KDM5C: variants seen among roughly 807,000 people sequenced by gnomAD.
KDM5C encodes lysine demethylase 5C, also known as lysine-specific demethylase 5C.
KDM5C carries 16 observed loss-of-function variants against 110.6 expected under a neutral mutation model. That is an observed-to-expected ratio of 0.14 (90% confidence interval 0.10 to 0.22). The LOEUF (loss-of-function observed/expected upper bound fraction) is 0.22. Ranked by LOEUF, KDM5C falls within the 10% of genes least tolerant of loss-of-function variation. The probability of loss-of-function intolerance (pLI) is 1.00; values close to 1 mark genes in which losing one functional copy is unlikely to be tolerated. For synonymous variants in KDM5C, 511 were observed against 520.4 expected, an observed-to-expected ratio of 0.98 and a Z score of 0.24; for missense variants, 681 against 1,300.9, an observed-to-expected ratio of 0.52 and a Z score of 7.33.
intron 1 of KDM5C, chrX:53,221,858 A>AGCAGAGTGTCTCC: frequency 1.8e-6 from 1 of 547,015 alleles, no homozygotes; most frequent in Non-Finnish European, 2.7e-6. Flanking sequence ...AAAGTGGGAG[A>AGCAGAGTGTCTCC]CACTCTGCTC....
chrX:53,194,797 G>GC (rs1197342997), intron 22 of KDM5C, 59 bp from the exon 23 acceptor site: 26 of 1,196,826 alleles, frequency 2.2e-5, no homozygotes, highest in Admixed American at 4.5e-5. Context: ...CCTTCTCTGG[G>GC]CCCCCCCTTA....
chrX:53,188,598 C>T (rs1274853340), downstream of KDM5C, among the ~76,000 whole-genome samples: 1 of 110,844 alleles, frequency 9.0e-6, no homozygotes, highest in African/African-American at 3.3e-5. Context: ...TGGTCTCGAA[C>T]TCCTGACCTC....
At chrX:53,199,429 G>C (rs1207507838) in intron 14 of KDM5C, among the ~76,000 whole-genome samples, 1 of 111,640 alleles carries the variant, frequency 9.0e-6, no homozygotes, top group Non-Finnish European at 1.9e-5. Flanking sequence ...TCAGCAGAAA[G>C]GGTCTTGTGG....
intron 25 of KDM5C, among the ~76,000 whole-genome samples, chrX:53,183,523 C>T (rs1934127274): frequency 9.3e-6 from 1 of 107,826 alleles, no homozygotes; most frequent in African/African-American, 3.4e-5. Context: ...TTCACGGCCC[C>T]TTGTAATTCC....
At chrX:53,217,364 C>A in intron 4 of KDM5C, 87 bp from the exon 5 acceptor site, 1 of 1,102,243 alleles carries the variant, frequency 9.1e-7, no homozygotes. Flanking sequence ...CAATGGCATC[C>A]AAAGCTGTGG....
In KDM5C at chrX:53,194,430, G is replaced by A. The variant is rs782187962; in HGVS notation, c.3747C>T (p.Arg1249=). ...TGGTCTCCAGGCGCGGGCGCCTTGA[G>A]CGCATACACAGTGGACACAGGAATT... ...DTKFLCPLCM[R]SRRPRLETIL... is the part of the protein sequence containing the mutation. Residue 1249 remains arginine (R), a synonymous_variant, in exon 23 of 26, where the codon CGC becomes CGT. Coordinates refer to ENST00000375401, the MANE Select transcript of KDM5C (RefSeq NM_004187.5). 1 of 1,209,930 alleles carries A rather than the reference G, an allele frequency of 8.3e-7. No individual in the cohort carries two copies. Among genetic ancestry groups the A allele is most frequent in the South Asian group, 1.8e-5 (1 of 56,636 alleles).
chrX:53,217,336 C>T, intron 4 of KDM5C, 59 bp from the exon 5 acceptor site: 1 of 1,173,316 alleles, frequency 8.5e-7, no homozygotes, highest in Non-Finnish European at 1.2e-6. Context: ...AAAGCAATAA[C>T]TTCCCTCTAC....
intron 1 of KDM5C, among the ~76,000 whole-genome samples, chrX:53,223,856 T>C (rs2073959567): frequency 9.0e-6 from 1 of 111,657 alleles, no homozygotes; most frequent in South Asian, 3.7e-4. Flanking sequence ...TGAGAAGGAC[T>C]CACACCCCAC....
Position 53,193,771 on chromosome X carries a change from A to C in KDM5C, c.4117+2T>G. 1 of 1,205,335 alleles carries C rather than the reference A, an allele frequency of 8.3e-7. No homozygotes were observed. Among genetic ancestry groups the C allele is most frequent in the Non-Finnish European group, 1.1e-6 (1 of 890,158 alleles). Reference sequence around the variant, plus strand: ...GCCTACCCACACCACACCTAGACCTACCTCTCTTACCTGAGCCCTCCTCCG... The same window carrying C: ...GCCTACCCACACCACACCTAGACCTCCCTCTCTTACCTGAGCCCTCCTCCG... On this transcript the variant is annotated splice_donor_variant, in intron 24 of 25. Coordinates refer to ENST00000375401, the MANE Select transcript of KDM5C (RefSeq NM_004187.5). LOFTEE classifies it high-confidence loss of function.
In KDM5C at chrX:53,215,836, T is replaced by C; in HGVS notation, c.922A>G (p.Met308Val). Residue 308 changes from methionine (M) to valine (V), a missense_variant, in exon 7 of 26, where the codon ATG becomes GTG. By Grantham distance (21) the Met-to-Val change is conservative. Coordinates refer to ENST00000375401, the MANE Select transcript of KDM5C (RefSeq NM_004187.5). The part of the protein sequence containing the change: ...LSHSPEPCTK[M>V]TMRLRRNHSN... The stretch of plus-strand genomic sequence containing the variant: ...TGGTTCCTCCGTAGCCTCATGGTCA[T>C]CTTGGTGCAGGGTTCTGGGCTGTGA... 2 of 1,211,962 alleles carry C rather than the reference T, an allele frequency of 1.7e-6. No individual in the cohort carries two copies. Among genetic ancestry groups the C allele is most frequent in the Admixed American group, 2.2e-5 (1 of 46,095 alleles).
intron 24 of KDM5C, 65 bp from the exon 25 acceptor site, chrX:53,193,701 AG>A: frequency 8.5e-7 from 1 of 1,179,923 alleles, no homozygotes; most frequent in Non-Finnish European, 1.2e-6. Flanking sequence ...CCACTACAAC[AG>A]AGCTGAGGAC....
Position 53,194,419 on chromosome X carries a change from G to A in KDM5C, c.3758C>T (p.Pro1253Leu), listed in dbSNP as rs2146821316. ...LCPLCMRSRR[P>L]RLETILALLV... is the part of the protein sequence containing the mutation. ...CAGTGCCAGGATGGTCTCCAGGCGC[G>A]GGCGCCTTGAGCGCATACACAGTGG... Residue 1253 changes from proline (P) to leucine (L), a missense_variant, in exon 23 of 26, where the codon CCG (proline) becomes CTG (leucine). This residue lies in a region of KDM5C where 12 missense variants were observed against 54.5 expected (regional missense o/e 0.22). Coordinates refer to ENST00000375401, the MANE Select transcript of KDM5C (RefSeq NM_004187.5). 1 of 1,210,596 alleles carries A rather than the reference G, an allele frequency of 8.3e-7. No homozygotes were observed. The highest frequency in any genetic ancestry group is 1.1e-6 in the Non-Finnish European group (1 of 894,613).
intron 25 of KDM5C, among the ~76,000 whole-genome samples, chrX:53,178,144 A>G (rs1218040814): frequency 8.9e-6 from 1 of 112,447 alleles, no homozygotes; most frequent in African/African-American, 3.2e-5. Flanking sequence ...GGCCTAAGCC[A>G]CCATGCCTGG....
chrX:53,213,158 T>C (rs887646220), intron 8 of KDM5C, among the ~76,000 whole-genome samples: 18 of 112,123 alleles, frequency 1.6e-4, no homozygotes, highest in Non-Finnish European at 2.1e-4. Flanking sequence ...GAGAACAATA[T>C]GTACCCCAAA....
chrX:53,217,323 G>A lies in KDM5C; in HGVS notation c.523-46C>T, dbSNP rs144904948. 3.3e-4 allele frequency: 400 copies of A among 1,198,018 alleles called. 1 individual carries two copies. In the East Asian group the frequency reaches 1.0e-2, roughly 30 times the overall value. ...AGGGTCAGGACATGGACTCCAGCCC[G>A]CAAAAGCAATAACTTCCCTCTACCC... is the stretch of plus-strand genomic sequence containing the variant. On this transcript the variant is annotated intron_variant, in intron 4 of 25. Transcript: ENST00000375401.
At position 53,183,969 on chromosome X, in the gene KDM5C, T is replaced by C. The variant is rs146492321; in HGVS notation, c.4309-7347A>G. 4.3e-3 allele frequency among the ~76,000 whole-genome samples: 485 copies of C among 112,249 alleles called. 3 individuals carry two copies. The highest frequency in any genetic ancestry group is 0.015 in the African/African-American group (457 of 30,916). On this transcript the variant is annotated intron_variant, in intron 25 of 25. Coordinates refer to the KDM5C transcript ENST00000685641. ...GCTAGTATCAACATCTTATCAGTATTAAGTCTTCCAATCTATGAACATGAG... is the reference window on the plus strand; with the variant it reads ...GCTAGTATCAACATCTTATCAGTATCAAGTCTTCCAATCTATGAACATGAG...
In KDM5C at chrX:53,214,726, G is replaced by A; in HGVS notation, c.1085C>T (p.Pro362Leu). The A allele has an allele frequency of 8.3e-7, 1 of 1,210,968 alleles. No individual in the cohort carries two copies. Among genetic ancestry groups the A allele is most frequent in the Non-Finnish European group, 1.1e-6 (1 of 895,063 alleles). ...CTTTGGGCACCGCCAGACACCCTTG[G>A]GGATCTCAGGCAGAGGAGGCAGCAG... ...FCLLPPLPEI[P>L]KGVWRCPKCV... Residue 362 changes from proline to leucine, a missense_variant, in exon 8 of 26, where the codon CCC becomes CTC. Around this residue, in one of 14 missense-constraint regions of KDM5C, gnomAD observed 71 missense variants for 115.0 expected, o/e 0.62. Transcript: ENST00000375401.
rs781984290 is a variant in KDM5C at position 53,199,172 on chromosome X, A to T, written c.2062-14T>A. On this transcript the variant is annotated splice_polypyrimidine_tract_variant and intron_variant, in intron 14 of 25. Transcript: ENST00000375401. Reference sequence around the variant, plus strand: ...CTCTGTGATACCCTAAGGGCATTTAACCTATGCGTTATATATAACCAGAAC... The same window carrying T: ...CTCTGTGATACCCTAAGGGCATTTATCCTATGCGTTATATATAACCAGAAC... 8.3e-7 allele frequency: 1 copy of T among 1,208,501 alleles called. No individual in the cohort carries two copies. The highest frequency in any genetic ancestry group is 2.2e-5 in the Admixed American group (1 of 45,979).
chrX:53,216,916 G>A (rs1556852201), intron 5 of KDM5C, among the ~76,000 whole-genome samples: 1 of 112,503 alleles, frequency 8.9e-6, no homozygotes, highest in African/African-American at 3.2e-5. Context: ...GGCAAGAAGA[G>A]CAGACATACA....
Sources: gnomAD v4.1 joint callset for allele counts (sites outside exome capture counted in the v4.1 genomes callset) on GRCh38, gnomAD v4.1.1 for gene constraint, gnomAD v4.1.1 regional missense constraint, MANE v1.5 for transcripts, NCBI Gene and HGNC (gene_info 2026-07-23, HGNC 2026-07-21) for gene names.